PPP1R16B: variants seen among roughly 807,000 people sequenced by gnomAD.
PPP1R16B encodes the protein protein phosphatase 1 regulatory inhibitor subunit 16B.
Under a neutral mutation model 61.7 loss-of-function variants are expected in PPP1R16B, and 14 were observed. The ratio of observed to expected loss-of-function variants is 0.23; its 90% CI spans 0.15 to 0.35. PPP1R16B has a LOEUF of 0.35. PPP1R16B is among the 10% of genes least tolerant of loss of function. The pLI is 1.00. For missense variants in PPP1R16B, 547 were observed against 752.5 expected (o/e 0.73, Z 3.19); for synonymous variants, 266 against 305.3 (o/e 0.87, Z 1.34).
At chr20:38,889,874 G>A (rs571378631) in intron 3 of PPP1R16B, among the ~76,000 whole-genome samples, 5 of 152,354 alleles carry the variant, frequency 3.3e-5, no homozygotes, top group South Asian at 2.1e-4. Flanking sequence ...GTGTGCGCCC[G>A]CAGACGCGAC....
At chr20:38,909,330 T>C (rs1436615268) in intron 10 of PPP1R16B, among the ~76,000 whole-genome samples, 1 of 152,232 alleles carries the variant, frequency 6.6e-6, no homozygotes. Context: ...ACACCAGTCA[T>C]TGGATTGGAG....
At chr20:38,875,545 A>G (rs545717289) in intron 2 of PPP1R16B, among the ~76,000 whole-genome samples, 6 of 152,340 alleles carry the variant, frequency 3.9e-5, no homozygotes, top group Non-Finnish European at 7.3e-5. Context: ...TTTTGTTTTG[A>G]CATGGGAACC....
intron 2 of PPP1R16B, among the ~76,000 whole-genome samples, chr20:38,839,884 A>G (rs908375761): frequency 3.3e-5 from 5 of 152,202 alleles, no homozygotes; most frequent in African/African-American, 1.2e-4. Context: ...TTTTATTTCC[A>G]TGTGCAAATG....
rs142083040 is a variant in PPP1R16B at position 38,891,241 on chromosome 20, C to G, written c.321+1576C>G. Among the ~76,000 whole-genome samples the G allele has an allele frequency of 1.2e-4, 18 of 152,254 alleles. No homozygotes were observed. The East Asian group carries it at 3.5e-3, about 29-fold the overall frequency. On this transcript the variant is annotated intron_variant, in intron 3 of 10. Transcript: ENST00000299824. Reference sequence around the variant, plus strand: ...CAGGCTTGTGGCCCGGAGCTGTCACCCACTAGCTATGTGACTGTGGGGAAG... The same window carrying G: ...CAGGCTTGTGGCCCGGAGCTGTCACGCACTAGCTATGTGACTGTGGGGAAG...
chr20:38,881,258 A>G (rs138420190), intron 2 of PPP1R16B, among the ~76,000 whole-genome samples: 234 of 152,298 alleles, frequency 1.5e-3, no homozygotes, highest in African/African-American at 5.4e-3. Context: ...ATTTCTGGCT[A>G]TTTCTGCTCC....
Position 38,889,709 on chromosome 20 carries a change from C to A in PPP1R16B, c.321+44C>A, listed in dbSNP as rs546946203. On this transcript the variant is annotated intron_variant, in intron 3 of 10. Transcript: ENST00000299824. ...GGGCTCCAGGGCTCCCTGCCCCTCACCTGGACAGGTACCCTGTTTCTCGGC... is the reference window on the plus strand; with the variant it reads ...GGGCTCCAGGGCTCCCTGCCCCTCAACTGGACAGGTACCCTGTTTCTCGGC... The A allele has an allele frequency of 2.1e-5, 31 of 1,511,534 alleles. No individual in the cohort carries two copies. In the South Asian group the frequency reaches 3.1e-4, roughly 15 times the overall value. 93.6% of individuals were successfully genotyped at this position (1,511,534 alleles called of 1,614,324 possible). A position where few individuals can be genotyped will look rare whatever the true frequency, so the allele number is the denominator to read the frequency against.
chr20:38,905,996 C>T lies in PPP1R16B; in HGVS notation c.724C>T (p.Leu242=). 6 of 1,613,614 alleles carry T rather than the reference C, an allele frequency of 3.7e-6. No individual in the cohort carries two copies. Among genetic ancestry groups the T allele is most frequent in the Non-Finnish European group, 4.2e-6 (5 of 1,179,856 alleles). ...LLHIAGANGY[L]RAAELLLDHG... is the part of the protein sequence containing the mutation. ...GCACATAGCTGGAGCCAATGGATAC[C>T]TGCGGGCAGCTGAGCTCCTCCTGGA... Residue 242 remains leucine, a synonymous_variant, in exon 7 of 11, where the codon CTG becomes TTG. Coordinates refer to ENST00000299824, the MANE Select transcript of PPP1R16B (RefSeq NM_015568.4).
At chr20:38,909,956 G>A (rs1019299099) in intron 10 of PPP1R16B, among the ~76,000 whole-genome samples, 1 of 152,070 alleles carries the variant, frequency 6.6e-6, no homozygotes, top group Non-Finnish European at 1.5e-5. Flanking sequence ...ACTTAAGTAT[G>A]GTAAAGCAGA....
intron 10 of PPP1R16B, 83 bp downstream of exon 10, chr20:38,908,276 T>C: frequency 6.5e-7 from 1 of 1,530,196 alleles, no homozygotes; most frequent in Non-Finnish European, 8.9e-7. Flanking sequence ...CCTCTTCAAC[T>C]GAGAGCCTTC....
chr20:38,855,982 A>AGGCGGAGGAGGAGGAGGAGG (rs1449393855), intron 2 of PPP1R16B, among the ~76,000 whole-genome samples: 1 of 41,566 alleles, frequency 2.4e-5, no homozygotes, highest in Non-Finnish European at 3.9e-5. Context: ...AGAGAGAGAG[A>AGGCGGAGGAGGAGGAGGAGG]AGGAGGAGGA....
intron 2 of PPP1R16B, among the ~76,000 whole-genome samples, chr20:38,840,074 G>A (rs1043286087): frequency 1.1e-4 from 17 of 152,214 alleles, no homozygotes; most frequent in Admixed American, 9.8e-4. Flanking sequence ...AGGGTCCACA[G>A]TTGCCTGGGT....
At chr20:38,855,933 T>G (rs868590686) in intron 2 of PPP1R16B, among the ~76,000 whole-genome samples, 1,631 of 48,034 alleles carry the variant, frequency 0.034, 25 homozygotes, top group Non-Finnish European at 0.046. Context: ...TATATATATA[T>G]ATATATATAT....
At chr20:38,813,649 G>A (rs1471658386) in intron 1 of PPP1R16B, among the ~76,000 whole-genome samples, 1 of 151,882 alleles carries the variant, frequency 6.6e-6, no homozygotes, top group African/African-American at 2.4e-5. Context: ...TTAGAGGGAC[G>A]GGCACCTTTT....
chr20:38,880,021 T>C (rs1192789789), intron 2 of PPP1R16B, among the ~76,000 whole-genome samples: 2 of 152,112 alleles, frequency 1.3e-5, no homozygotes, highest in Non-Finnish European at 2.9e-5. Flanking sequence ...CAAGAACAGA[T>C]GTTCTGGCTG....
At chr20:38,915,987 G>C (rs1368203701) in intron 10 of PPP1R16B, among the ~76,000 whole-genome samples, 3 of 151,074 alleles carry the variant, frequency 2.0e-5, no homozygotes, top group African/African-American at 7.3e-5. Flanking sequence ...ATCAAAGTTT[G>C]AGAAGCACTG....
At position 38,898,886 on chromosome 20, in the gene PPP1R16B, A is replaced by G. The variant is rs143046049; in HGVS notation, c.468-1695A>G. ...AAAAGTAATGGCAAGAACCACAATTACTTTTGCACCAACCTAAATAATAAT... is the reference window on the plus strand; with the variant it reads ...AAAAGTAATGGCAAGAACCACAATTGCTTTTGCACCAACCTAAATAATAAT... On this transcript the variant is annotated intron_variant, in intron 4 of 10. Transcript: ENST00000299824. 1.6e-4 allele frequency among the ~76,000 whole-genome samples: 24 copies of G among 152,304 alleles called. 1 individual carries two copies. The East Asian group carries it at 4.6e-3, about 29-fold the overall frequency.
intron 1 of PPP1R16B, among the ~76,000 whole-genome samples, chr20:38,828,647 T>C (rs1010871996): frequency 5.9e-5 from 9 of 152,238 alleles, no homozygotes; most frequent in African/African-American, 2.2e-4. Flanking sequence ...CAACTGTGTG[T>C]TGTGCTTCCA....
chr20:38,863,785 G>A (rs2085071942), intron 2 of PPP1R16B, among the ~76,000 whole-genome samples: 2 of 152,190 alleles, frequency 1.3e-5, no homozygotes, highest in Admixed American at 6.5e-5. Flanking sequence ...ATGAGATGAA[G>A]GTTTTCTGTT....
intron 2 of PPP1R16B, among the ~76,000 whole-genome samples, chr20:38,869,985 G>A (rs150351520): frequency 0.023 from 3,410 of 151,396 alleles, 50 homozygotes; most frequent in African/African-American, 0.04. Flanking sequence ...ACACAGTGAC[G>A]CGATCCCAGC....
Sources: allele counts gnomAD v4.1 joint callset (sites outside exome capture counted in the v4.1 genomes callset), GRCh38; gene constraint gnomAD v4.1.1; transcripts MANE v1.5; gene names NCBI Gene and HGNC (gene_info 2026-07-23, HGNC 2026-07-21).